Variants in RBFOX1 observed in about 807,000 individuals in gnomAD.
RBFOX1 encodes the protein RNA binding fox-1 homolog 1.
In RBFOX1, 8 loss-of-function variants were observed where a neutral mutation model predicts 57.7. The observed-to-expected ratio is 0.14, with a 90% CI of 0.08 to 0.25. The LOEUF is 0.25. Among genes scored for constraint, RBFOX1 ranks in the 10% least tolerant of loss-of-function variants. The pLI is 1.00. For synonymous variants in RBFOX1, 326 were observed against 222.4 expected, an observed-to-expected ratio of 1.47 and a Z score of -4.15; for missense variants, 611 against 548.5, an observed-to-expected ratio of 1.11 and a Z score of -1.14.
At chr16:7,183,938 A>G (rs2083224390) in intron 4 of RBFOX1, among the ~76,000 whole-genome samples, 1 of 152,128 alleles carries the variant, frequency 6.6e-6, no homozygotes, top group Non-Finnish European at 1.5e-5. Context: ...CAATAAAGAG[A>G]GGCTAAAATT....
At chr16:6,265,282 G>C (rs1296624248) in intron 1 of RBFOX1, among the ~76,000 whole-genome samples, 2 of 152,064 alleles carry the variant, frequency 1.3e-5, no homozygotes, top group South Asian at 2.1e-4. Flanking sequence ...GTTTTTGTGA[G>C]ACAGAATCTT....
chr16:6,852,610 G>A, intron 3 of RBFOX1, among the ~76,000 whole-genome samples: 1 of 152,234 alleles, frequency 6.6e-6, no homozygotes, highest in East Asian at 1.9e-4. Flanking sequence ...CAGATGAGAT[G>A]CATGCTGGGA....
At chr16:7,375,482 T>G (rs972856716) in intron 4 of RBFOX1, among the ~76,000 whole-genome samples, 47 of 152,086 alleles carry the variant, frequency 3.1e-4, no homozygotes, top group African/African-American at 1.1e-3. Flanking sequence ...GGCTCCCATG[T>G]GTTACGAGAG....
At chr16:5,688,290 G>T (rs1175353680) in intron 3 of RBFOX1, among the ~76,000 whole-genome samples, 1 of 152,156 alleles carries the variant, frequency 6.6e-6, no homozygotes, top group East Asian at 1.9e-4. Flanking sequence ...TTGTTAGTCA[G>T]AAATGATCCT....
In RBFOX1 at chr16:6,397,954, G is replaced by A. The variant is rs140770109; in HGVS notation, c.-64+80897G>A. Among the ~76,000 whole-genome samples the A allele has an allele frequency of 5.6e-3, 853 of 152,228 alleles. 8 individuals carry two copies. Among genetic ancestry groups the A allele is most frequent in the Middle Eastern group, 0.034 (10 of 294 alleles). On this transcript the variant is annotated intron_variant, in intron 2 of 15. Coordinates refer to ENST00000550418, the MANE Select transcript of RBFOX1 (RefSeq NM_018723.4). Reference sequence around the variant, plus strand: ...AACCCAAAATGAGACTGAAAAAGGGGAATAGAGAAACAACGGCATAACAAA... The same window carrying A: ...AACCCAAAATGAGACTGAAAAAGGGAAATAGAGAAACAACGGCATAACAAA...
chr16:5,955,620 T>G (rs2059622478), intron 4 of RBFOX1, among the ~76,000 whole-genome samples: 1 of 152,182 alleles, frequency 6.6e-6, no homozygotes, highest in Non-Finnish European at 1.5e-5. Flanking sequence ...TTTTGACTTT[T>G]TGTGATGAGC....
chr16:7,104,376 A>G (rs1053745874), intron 4 of RBFOX1, among the ~76,000 whole-genome samples: 1 of 152,144 alleles, frequency 6.6e-6, no homozygotes, highest in African/African-American at 2.4e-5. Flanking sequence ...TCAGTCTGGT[A>G]CCTCATCCCC....
At chr16:6,131,673 A>G (rs1330160274) in intron 1 of RBFOX1, among the ~76,000 whole-genome samples, 1 of 152,210 alleles carries the variant, frequency 6.6e-6, no homozygotes, top group Non-Finnish European at 1.5e-5. Context: ...TCATAAAGGT[A>G]TTTTACTGAC....
chr16:6,211,184 T>TATC (rs529931471), intron 1 of RBFOX1, among the ~76,000 whole-genome samples: 1 of 84,216 alleles, frequency 1.2e-5, no homozygotes, highest in Non-Finnish European at 3.4e-5. Context: ...AGTGTTTTCT[T>TATC]CTTCTTTTTT....
chr16:5,379,949 G>GA (rs2066088201), intron 1 of RBFOX1, among the ~76,000 whole-genome samples: 1 of 152,186 alleles, frequency 6.6e-6, no homozygotes, highest in Non-Finnish European at 1.5e-5. Context: ...GGCGTTGGAG[G>GA]AATCATCCCG....
intron 3 of RBFOX1, among the ~76,000 whole-genome samples, chr16:6,699,389 A>C (rs1220559536): frequency 2.0e-5 from 3 of 152,010 alleles, no homozygotes; most frequent in East Asian, 1.9e-4. Flanking sequence ...TTTTTTATGC[A>C]AAAGTGGTGT....
chr16:6,812,550 T>C (rs1404857038), intron 3 of RBFOX1, among the ~76,000 whole-genome samples: 7 of 152,076 alleles, frequency 4.6e-5, no homozygotes, highest in Admixed American at 4.6e-4. Flanking sequence ...ATTTTTTTTG[T>C]ATTTTTATTA....
intron 4 of RBFOX1, among the ~76,000 whole-genome samples, chr16:7,292,426 GTAT>G (rs892084886): frequency 6.7e-5 from 9 of 135,048 alleles, no homozygotes; most frequent in Non-Finnish European, 1.2e-4. Context: ...TATATATAAG[GTAT>G]TATATATAAT....
intron 1 of RBFOX1, among the ~76,000 whole-genome samples, chr16:5,402,668 T>C (rs1202360684): frequency 6.6e-6 from 1 of 152,176 alleles, no homozygotes; most frequent in African/African-American, 2.4e-5. Context: ...TTGTGTCTCT[T>C]ATTTTACTTG....
chr16:6,533,183 C>A (rs546231574), intron 2 of RBFOX1, among the ~76,000 whole-genome samples: 4 of 152,334 alleles, frequency 2.6e-5, no homozygotes, highest in African/African-American at 9.6e-5. Context: ...AGATGAGACC[C>A]TGATACTGAG....
chr16:7,432,648 G>T (rs1170843534), intron 4 of RBFOX1, among the ~76,000 whole-genome samples: 1 of 152,142 alleles, frequency 6.6e-6, no homozygotes, highest in Non-Finnish European at 1.5e-5. Context: ...TAAACACATG[G>T]GGGTAACTGT....
chr16:6,134,639 A>G (rs1055237085), intron 1 of RBFOX1, among the ~76,000 whole-genome samples: 5 of 151,620 alleles, frequency 3.3e-5, no homozygotes, highest in Admixed American at 6.6e-5. Flanking sequence ...GTGAACTGTC[A>G]GTGCCCCCTG....
chr16:5,944,651 C>T (rs998510305), intron 4 of RBFOX1, among the ~76,000 whole-genome samples: 3 of 151,490 alleles, frequency 2.0e-5, no homozygotes, highest in Admixed American at 1.3e-4. Flanking sequence ...CTTTGGAAGT[C>T]CCTTAAGAGA....
chr16:6,211,376 C>T (rs1598401205), intron 1 of RBFOX1, among the ~76,000 whole-genome samples: 1 of 151,756 alleles, frequency 6.6e-6, no homozygotes, highest in Non-Finnish European at 1.5e-5. Context: ...CTACAGGTGC[C>T]CACCACCACA....
Sources: allele counts gnomAD v4.1 joint callset (sites outside exome capture counted in the v4.1 genomes callset), GRCh38; gene constraint gnomAD v4.1.1; transcripts MANE v1.5; gene names NCBI Gene and HGNC (gene_info 2026-07-23, HGNC 2026-07-21).